The following APAF1 variants were observed in gnomAD, a reference collection of about 807,000 sequenced individuals.
APAF1 encodes apoptotic protease-activating factor 1.
Under a neutral mutation model 152.4 loss-of-function variants are expected in APAF1, and 91 were observed. That is an observed-to-expected ratio of 0.60 (90% confidence interval 0.50 to 0.71). The LOEUF (loss-of-function observed/expected upper bound fraction) is 0.71, where lower values mean the gene tolerates loss of function less well. Among genes scored for constraint, APAF1 ranks in the 30% least tolerant of loss-of-function variants. The probability of loss-of-function intolerance (pLI) is 0.00; values close to 1 mark genes in which losing one functional copy is unlikely to be tolerated. For synonymous variants in APAF1, 484 were observed against 494.1 expected, an observed-to-expected ratio of 0.98 and a Z score of 0.27; for missense variants, 1,283 against 1,472.0, an observed-to-expected ratio of 0.87 and a Z score of 2.10.
intron 5 of APAF1, among the ~76,000 whole-genome samples, chr12:98,661,734 G>A (rs910872487): frequency 1.3e-5 from 2 of 151,998 alleles, no homozygotes; most frequent in Non-Finnish European, 2.9e-5. Flanking sequence ...CTCCCAAAGT[G>A]CTGGGATTAC....
intron 26 of APAF1, among the ~76,000 whole-genome samples, chr12:98,729,305 G>A (rs1456998364): frequency 6.6e-6 from 1 of 152,226 alleles, no homozygotes; most frequent in Non-Finnish European, 1.5e-5. Flanking sequence ...CAGATGGGGT[G>A]GTGGTAGGAA....
intron 16 of APAF1, among the ~76,000 whole-genome samples, chr12:98,689,417 A>T (rs2097701598): frequency 6.6e-6 from 1 of 150,950 alleles, no homozygotes. Flanking sequence ...ACTTTAGGCA[A>T]AGCCTTTTGT....
chr12:98,661,195 T>C (rs527254951), intron 5 of APAF1, among the ~76,000 whole-genome samples: 16 of 152,196 alleles, frequency 1.1e-4, no homozygotes, highest in Admixed American at 5.2e-4. Flanking sequence ...GCCACTGCGC[T>C]CGGCCCCTCC....
chr12:98,713,227 A>G (rs191796152), intron 21 of APAF1, among the ~76,000 whole-genome samples: 56 of 152,252 alleles, frequency 3.7e-4, no homozygotes, highest in African/African-American at 1.2e-3. Flanking sequence ...GATTTCCTTT[A>G]TTACTGTTTC....
intron 25 of APAF1, 32 bp downstream of exon 25, chr12:98,725,572 C>T: frequency 6.2e-7 from 1 of 1,613,648 alleles, no homozygotes; most frequent in Admixed American, 1.7e-5. Flanking sequence ...GAGCACTGCT[C>T]TTCTTGTAGC....
intron 12 of APAF1, among the ~76,000 whole-genome samples, chr12:98,672,921 A>T (rs2097682106): frequency 6.6e-6 from 1 of 150,978 alleles, no homozygotes; most frequent in Non-Finnish European, 1.5e-5. Flanking sequence ...CGCCTGGCCG[A>T]TTTTGTATTT....
chr12:98,650,107 A>G (rs945517999), intron 4 of APAF1, among the ~76,000 whole-genome samples: 1 of 152,188 alleles, frequency 6.6e-6, no homozygotes, highest in Non-Finnish European at 1.5e-5. Flanking sequence ...GGCTGCCCCC[A>G]TTCATCAGTG....
intron 20 of APAF1, 45 bp from the exon 21 acceptor site, chr12:98,712,274 C>A: frequency 9.3e-7 from 1 of 1,080,818 alleles, no homozygotes; most frequent in Non-Finnish European, 1.4e-6. Flanking sequence ...CGAACAAAAA[C>A]TGCTCTTACA....
In APAF1 at chr12:98,734,735, G is replaced by A. The variant is rs1278651266; in HGVS notation, c.*2169G>A. 6.5e-6 allele frequency: 1 copy of A among 154,482 alleles called. No homozygotes were observed. The highest frequency in any genetic ancestry group is 6.5e-5 in the Admixed American group (1 of 15,328). The allele number at this position is 154,482 out of a possible 1,614,324, so 9.6% of individuals were successfully genotyped here. A position where few individuals can be genotyped will look rare whatever the true frequency, so the allele number is the denominator to read the frequency against. ...CAGGCTTACTGTGATTTAAGCAAAT[G>A]TGAAAAGTGAAACCTTAATTTTATC... On this transcript the variant is annotated 3_prime_UTR_variant, in exon 27 of 27. Transcript: ENST00000551964.
Position 98,703,454 on chromosome 12 carries a change from A to G in APAF1, c.2550A>G (p.Pro850=). 6.2e-7 allele frequency: 1 copy of G among 1,614,216 alleles called. No individual in the cohort carries two copies. The highest frequency in any genetic ancestry group is 1.1e-5 in the South Asian group (1 of 91,086). The change falls in exon 18 of 27, where the codon CCA becomes CCG. Residue 850 remains proline, a synonymous_variant. Transcript: ENST00000551964. ...CCATCCAGTACTGTGACTTCTCCCC[A>G]CAAAACCATTTGGCAGTGGTTGCTT... ...HSTIQYCDFS[P]QNHLAVVALS... is the part of the protein sequence containing the mutation.
intron 4 of APAF1, 76 bp from the exon 5 acceptor site, chr12:98,659,084 G>T (rs1193723371): frequency 2.1e-6 from 3 of 1,398,486 alleles, no homozygotes; most frequent in Non-Finnish European, 3.0e-6. Flanking sequence ...GAGTAAATCT[G>T]ATGCTTAACA....
rs1314277880 is a variant in APAF1, at chr12:98,659,489, C to G, written c.710+146C>G. The G allele has an allele frequency of 7.0e-5, 62 of 892,062 alleles. 2 individuals are homozygous for G. In the South Asian group the frequency reaches 8.6e-4, roughly 12 times the overall value. The allele number at this position is 892,062 out of a possible 1,614,324, so 55.3% of individuals were successfully genotyped here. A position where few individuals can be genotyped will look rare whatever the true frequency, so the allele number is the denominator to read the frequency against. ...CATTGCGGCCAGGTGCAGTGGCTCA[C>G]GCCTGTAATCCCAGCACTTTGGGAG... is the stretch of plus-strand genomic sequence containing the variant. On this transcript the variant is annotated intron_variant, in intron 5 of 26. Transcript: ENST00000551964.
At chr12:98,711,728 T>C (rs1565888748) in intron 20 of APAF1, among the ~76,000 whole-genome samples, 1 of 152,238 alleles carries the variant, frequency 6.6e-6, no homozygotes, top group Non-Finnish European at 1.5e-5. Context: ...TAAGCATTGG[T>C]ACAGATTATG....
chr12:98,708,143 C>T (rs1023601802), intron 19 of APAF1, among the ~76,000 whole-genome samples: 2 of 152,182 alleles, frequency 1.3e-5, no homozygotes, highest in African/African-American at 2.4e-5. Flanking sequence ...AATAGGGTTT[C>T]ACCATGTTGG....
Position 98,706,406 on chromosome 12 carries a change from T to C in APAF1, c.2596-79T>C, listed in dbSNP as rs111857424. 4,088 of 1,426,598 alleles carry C rather than the reference T, an allele frequency of 2.9e-3. 92 individuals carry two copies. In the African/African-American group the frequency reaches 0.051, roughly 18 times the overall value. 88.4% of individuals were successfully genotyped at this position (1,426,598 alleles called of 1,614,324 possible). On this transcript the variant is annotated intron_variant, in intron 18 of 26. Transcript: ENST00000551964. Reference sequence around the variant, plus strand: ...TCATTGAAGTGGTATTGCTGGCTCATTCTTGCTATTTTCAATATTTTTGCT... The same window carrying C: ...TCATTGAAGTGGTATTGCTGGCTCACTCTTGCTATTTTCAATATTTTTGCT...
intron 7 of APAF1, among the ~76,000 whole-genome samples, chr12:98,665,276 A>T (rs11109562): frequency 0.036 from 2,425 of 67,640 alleles, 90 homozygotes; most frequent in African/African-American, 0.12. Context: ...ATATATATAT[A>T]TATTTTTTTT....
intron 19 of APAF1, 129 bp downstream of exon 19, chr12:98,706,739 CTGG>C (rs958683991): frequency 9.4e-7 from 1 of 1,069,186 alleles, no homozygotes; most frequent in African/African-American, 1.6e-5. Flanking sequence ...CCTATTCACC[CTGG>C]AAAAGTGCTG....
chr12:98,728,704 C>G (rs760244628), intron 26 of APAF1, among the ~76,000 whole-genome samples: 23 of 152,146 alleles, frequency 1.5e-4, no homozygotes, highest in Non-Finnish European at 3.2e-4. Context: ...GCCTGGGCAA[C>G]AGAGCGAGAC....
intron 22 of APAF1, among the ~76,000 whole-genome samples, chr12:98,722,022 C>T (rs1327108643): frequency 2.6e-5 from 4 of 152,184 alleles, no homozygotes; most frequent in East Asian, 1.9e-4. Context: ...ATCAGGCCCA[C>T]GGGGCTGTTT....
Sources: allele counts gnomAD v4.1 joint callset (sites outside exome capture counted in the v4.1 genomes callset), GRCh38; gene constraint gnomAD v4.1.1; transcripts MANE v1.5; gene names NCBI Gene and HGNC (gene_info 2026-07-23, HGNC 2026-07-21).